The following DUS4L variants were observed in gnomAD, a reference collection of about 807,000 sequenced individuals.
DUS4L encodes dihydrouridine synthase 4 like, also known as tRNA-dihydrouridine(20a/20b) synthase [NAD(P)+]-like.
DUS4L carries 31 observed loss-of-function variants against 33.8 expected under a neutral mutation model. That is an observed-to-expected ratio of 0.92 (90% CI 0.69 to 1.24). The LOEUF is 1.24. DUS4L is among the 50% of genes most tolerant of loss of function. The pLI, the probability that DUS4L is intolerant of heterozygous loss-of-function variation, is 0.00. For synonymous variants in DUS4L, 103 were observed against 120.3 expected (o/e 0.86, Z 0.94); for missense variants, 368 against 388.6 (o/e 0.95, Z 0.45).
At chr7:107,576,721 C>CCTG in intron 7 of DUS4L, 129 bp downstream of exon 7, 1 of 852,194 alleles carries the variant, frequency 1.2e-6, no homozygotes, top group Non-Finnish European at 1.7e-6. Flanking sequence ...CTGTTTTAAG[C>CCTG]TAAGCGATTT....
intron 2 of DUS4L, 131 bp from the exon 3 acceptor site, chr7:107,566,919 G>A (rs1804761760): frequency 1.8e-6 from 1 of 565,004 alleles, no homozygotes; most frequent in Admixed American, 3.2e-5. Context: ...GTGAAAATAA[G>A]CTATTAATAA....
chr7:107,574,130 C>T (rs767812756), intron 5 of DUS4L, among the ~76,000 whole-genome samples: 6 of 152,036 alleles, frequency 3.9e-5, no homozygotes, highest in Non-Finnish European at 8.8e-5. Flanking sequence ...CTAATGTTTA[C>T]GGCAATCCCT....
At chr7:107,575,537 T>G in intron 6 of DUS4L, 1 of 335,518 alleles carries the variant, frequency 3.0e-6, no homozygotes, top group Non-Finnish European at 5.2e-6. Flanking sequence ...AAAGCCTCCC[T>G]TTAAGTTTCA....
intron 7 of DUS4L, 84 bp downstream of exon 7, chr7:107,576,676 TTTTG>T (rs2129198434): frequency 7.6e-7 from 1 of 1,318,530 alleles, no homozygotes. Flanking sequence ...TTTTCATTTG[TTTTG>T]TTTAACATTA....
intron 4 of DUS4L, among the ~76,000 whole-genome samples, chr7:107,572,348 A>G (rs1285067795): frequency 1.3e-5 from 2 of 152,238 alleles, no homozygotes; most frequent in Non-Finnish European, 2.9e-5. Context: ...CCTGTAAATC[A>G]GTAGATTGCC....
Position 107,567,083 on chromosome 7 carries a change from T to G in DUS4L, c.13T>G (p.Cys5Gly). Residue 5 changes from cysteine (C) to glycine (G), a missense_variant, in exon 3 of 8, where the codon TGC (cysteine) becomes GGC (glycine). Coordinates refer to ENST00000265720, the MANE Select transcript of DUS4L (RefSeq NM_181581.3). MKSD[C>G]MQTTICQERK... ...CATATCTGTATTAATGAAGAGTGAC[T>G]GCATGCAAACGACAATATGTCAGGA... 6.2e-7 allele frequency: 1 copy of G among 1,613,292 alleles called. No homozygotes were observed. Among genetic ancestry groups the G allele is most frequent in the South Asian group, 1.1e-5 (1 of 91,026 alleles).
At chr7:107,569,953 T>G (rs1195315153) in intron 3 of DUS4L, 1 of 152,158 alleles carries the variant, frequency 6.6e-6, no homozygotes, top group African/African-American at 2.4e-5. Context: ...TGAATAAGGG[T>G]GATAAGAGCA....
At chr7:107,574,346 CTTTTTTTTTTTT>C (rs761005292) in intron 5 of DUS4L, among the ~76,000 whole-genome samples, 1 of 125,996 alleles carries the variant, frequency 7.9e-6, no homozygotes, top group Non-Finnish European at 1.7e-5. Context: ...AATAATATTT[CTTTTTTTTTTTT>C]TTTTTTTGAG....
intron 7 of DUS4L, chr7:107,576,813 AC>A (rs1805798170): frequency 2.1e-6 from 1 of 470,556 alleles, no homozygotes; most frequent in Admixed American, 4.0e-5. Flanking sequence ...CTTTTCTGAC[AC>A]CATCATATCT....
intron 6 of DUS4L, chr7:107,575,841 G>A (rs976158759): frequency 3.7e-5 from 6 of 162,350 alleles, no homozygotes; most frequent in African/African-American, 1.4e-4. Context: ...ACAGGTGTGT[G>A]TCACCACACC....
intron 3 of DUS4L, chr7:107,570,493 G>A (rs143753503): frequency 6.6e-6 from 1 of 152,594 alleles, no homozygotes; most frequent in East Asian, 1.9e-4. Context: ...CTGCTGGCAG[G>A]CATGGAAGTC....
intron 2 of DUS4L, among the ~76,000 whole-genome samples, chr7:107,566,818 A>G (rs1016276832): frequency 2.0e-5 from 3 of 152,088 alleles, no homozygotes; most frequent in African/African-American, 7.2e-5. Flanking sequence ...CGTTTTCTGC[A>G]TCTTGTGTTT....
chr7:107,575,389 G>GT (rs1805635544), intron 6 of DUS4L, 79 bp downstream of exon 6: 1 of 1,496,614 alleles, frequency 6.7e-7, no homozygotes, highest in African/African-American at 1.4e-5. Context: ...GTCTGATGCT[G>GT]TTGGGAGTAT....
In DUS4L at chr7:107,577,637, A is replaced by C; in HGVS notation, c.*77A>C. ...ACAGAAGGTCATATTTTGTACCTTA[A>C]ACCAGTAGCTCTCAAATTTTAGTAT... is the stretch of plus-strand genomic sequence containing the variant. On this transcript the variant is annotated 3_prime_UTR_variant, in exon 8 of 8. Coordinates refer to ENST00000265720, the MANE Select transcript of DUS4L (RefSeq NM_181581.3). 1 of 1,451,358 alleles carries C rather than the reference A, an allele frequency of 6.9e-7. No homozygotes were observed. The highest frequency in any genetic ancestry group is 2.3e-5 in the East Asian group (1 of 43,610). The allele number at this position is 1,451,358 out of a possible 1,614,324, so 89.9% of individuals were successfully genotyped here. A position where few individuals can be genotyped will look rare whatever the true frequency, so the allele number is the denominator to read the frequency against.
At chr7:107,567,503 G>GTC (rs1584985623) in intron 3 of DUS4L, among the ~76,000 whole-genome samples, 1 of 152,042 alleles carries the variant, frequency 6.6e-6, no homozygotes, top group East Asian at 1.9e-4. Context: ...TAAGTCTTGG[G>GTC]ACAAATAGGA....
In DUS4L at chr7:107,574,280, C is replaced by T. The variant is rs1223627770; in HGVS notation, c.356+459C>T. ...ATAATCACTTTTTCTTTCTATACCA[C>T]AGTTACTTGTTTGGGTTTAAATAAC... On this transcript the variant is annotated intron_variant, in intron 5 of 7. Transcript: ENST00000265720. 2.0e-5 allele frequency among the ~76,000 whole-genome samples: 3 copies of T among 151,844 alleles called. No homozygotes were observed. In the East Asian group the frequency reaches 5.8e-4, roughly 29 times the overall value.
chr7:107,576,542 T>C lies in DUS4L; in HGVS notation c.656T>C (p.Ile219Thr). The C allele has an allele frequency of 1.2e-6, 2 of 1,600,220 alleles. No homozygotes were observed. Among genetic ancestry groups the C allele is most frequent in the African/African-American group, 1.3e-5 (1 of 74,226 alleles). ...ATACCTGTAATTGCTAATGGAGACA[T>C]CAGAAGCTTAAAGGAAGCAGAAAAT... ...MSIPVIANGD[I>T]RSLKEAENVW... The change falls in exon 7 of 8, where the codon ATC becomes ACC. Residue 219 changes from isoleucine to threonine, a missense_variant. Transcript: ENST00000265720.
At chr7:107,569,346 A>G (rs1162594350) in intron 3 of DUS4L, among the ~76,000 whole-genome samples, 1 of 152,238 alleles carries the variant, frequency 6.6e-6, no homozygotes, top group Non-Finnish European at 1.5e-5. Flanking sequence ...TAGCTCTATA[A>G]TATGTCTTGA....
chr7:107,573,792 A>C lies in DUS4L; in HGVS notation c.327A>C (p.Gly109=). 1 of 1,584,720 alleles carries C rather than the reference A, an allele frequency of 6.3e-7. No homozygotes were observed. The highest frequency in any genetic ancestry group is 8.6e-7 in the Non-Finnish European group (1 of 1,165,644). ...AARIVCPYAN[G]IDINCGCPQR... The stretch of plus-strand genomic sequence containing the variant: ...GTATAGTCTGTCCTTATGCGAATGG[A>C]ATAGACATTAACTGTGGTTGCCCTC... Residue 109 remains glycine, a synonymous_variant, in exon 5 of 8, where the codon GGA becomes GGC. Coordinates refer to ENST00000265720, the MANE Select transcript of DUS4L (RefSeq NM_181581.3).
Sources: allele counts gnomAD v4.1 joint callset (sites outside exome capture counted in the v4.1 genomes callset), GRCh38; gene constraint gnomAD v4.1.1; transcripts MANE v1.5; gene names NCBI Gene and HGNC (gene_info 2026-07-23, HGNC 2026-07-21).